The following ZC2HC1B variants were observed in gnomAD, a reference collection of about 807,000 sequenced individuals.
The protein encoded by ZC2HC1B is zinc finger C2HC domain-containing protein 1B.
In ZC2HC1B, 36 loss-of-function variants were observed where a neutral mutation model predicts 31.0. The ratio of observed to expected loss-of-function variants is 1.16; its 90% CI spans 0.89 to 1.54. ZC2HC1B has a LOEUF of 1.54. ZC2HC1B is among the 40% of genes most tolerant of loss of function. ZC2HC1B has a pLI of 0.00. For synonymous variants in ZC2HC1B, 73 were observed against 88.0 expected, an observed-to-expected ratio of 0.83 and a Z score of 0.95; for missense variants, 260 against 268.6, an observed-to-expected ratio of 0.97 and a Z score of 0.22.
rs1481326035 is a variant in ZC2HC1B, at chr6:143,870,885, A to C, written c.28+6318A>C. On this transcript the variant is annotated intron_variant, in intron 1 of 7. Transcript: ENST00000237275. This position sits in a 1 kb window ranked among gnomAD's most constrained non-coding sequence, Gnocchi z 4.7. ...CAATTGACAGAGCAGCTTGCACAGCAGCCTGGACCTGTTGTAGAGCCTTCT... is the reference window on the plus strand; with the variant it reads ...CAATTGACAGAGCAGCTTGCACAGCCGCCTGGACCTGTTGTAGAGCCTTCT... Among the ~76,000 whole-genome samples the C allele has an allele frequency of 1.3e-5, 2 of 152,186 alleles. No individual in the cohort carries two copies. The highest frequency in any genetic ancestry group is 1.5e-5 in the Non-Finnish European group (1 of 68,030).
intron 6 of ZC2HC1B, among the ~76,000 whole-genome samples, chr6:143,935,646 CTTTTTTT>C (rs759896830): frequency 2.0e-4 from 11 of 55,852 alleles, no homozygotes; most frequent in Non-Finnish European, 3.4e-4. Context: ...TGGTATCACT[CTTTTTTT>C]TTTTTTTTTT....
chr6:143,937,434 A>G (rs1778191302), intron 6 of ZC2HC1B, among the ~76,000 whole-genome samples: 1 of 152,168 alleles, frequency 6.6e-6, no homozygotes, highest in South Asian at 2.1e-4. Context: ...GGCAGAGGAA[A>G]GAAGGCACCT....
At position 143,915,877 on chromosome 6, in the gene ZC2HC1B, AG is replaced by A. The variant is rs1777910901; in HGVS notation, c.598+12726del. Among the ~76,000 whole-genome samples, 1 of 152,226 alleles carries A rather than the reference AG, an allele frequency of 6.6e-6. No homozygotes were observed. The highest frequency in any genetic ancestry group is 1.5e-5 in the Non-Finnish European group (1 of 68,034). ...TTTTAAAAGGGAAACTGAGCATAAA[AG>A]TTTGGAAAAGTTGCAGCCTGACAAT... On this transcript the variant is annotated intron_variant, in intron 6 of 7. Transcript: ENST00000237275. The surrounding 1 kb of genome is among the most constrained non-coding windows in gnomAD (Gnocchi z 5.2).
chr6:143,871,551 G>A lies in ZC2HC1B; in HGVS notation c.28+6984G>A, dbSNP rs751317011. ...CAGCTGCAGTTGGAGTCATCACTTG[G>A]TTAAGCTTATGATAATCCACTCTCA... On this transcript the variant is annotated intron_variant, in intron 1 of 7. Coordinates refer to ENST00000237275, the MANE Select transcript of ZC2HC1B (RefSeq NM_001013623.3). This position sits in a 1 kb window ranked among gnomAD's most constrained non-coding sequence, Gnocchi z 4.1. 8.5e-5 allele frequency among the ~76,000 whole-genome samples: 13 copies of A among 152,174 alleles called. No individual in the cohort carries two copies. The highest frequency in any genetic ancestry group is 5.9e-5 in the Non-Finnish European group (4 of 68,036).
rs1034210380 is a variant in ZC2HC1B at position 143,886,770 on chromosome 6, A to C, written c.298A>C (p.Ile100Leu). ...IRSAKQCMLA[I>L]KEGRPLPPPP... The stretch of plus-strand genomic sequence containing the variant: ...ATCAGCAAAGCAGTGTATGCTAGCC[A>C]TTAAAGAAGGCCGACCCCTCCCACC... Residue 100 changes from isoleucine to leucine, a missense_variant, in exon 4 of 8, where the codon ATT (isoleucine) becomes CTT (leucine). Ile to Leu is a conservative substitution (Grantham distance 5). Coordinates refer to ENST00000237275, the MANE Select transcript of ZC2HC1B (RefSeq NM_001013623.3). The surrounding 1 kb of genome is among the most constrained non-coding windows in gnomAD (Gnocchi z 4.2). The C allele has an allele frequency of 6.5e-7, 1 of 1,549,428 alleles. No homozygotes were observed.
intron 6 of ZC2HC1B, among the ~76,000 whole-genome samples, chr6:143,926,335 T>C (rs568413895): frequency 6.6e-6 from 1 of 152,370 alleles, no homozygotes; most frequent in East Asian, 1.9e-4. Context: ...TTCTCATTTG[T>C]CTCAAGACGT....
intron 4 of ZC2HC1B, 127 bp from the exon 5 acceptor site, chr6:143,898,425 T>G: frequency 1.7e-6 from 2 of 1,211,394 alleles, no homozygotes; most frequent in Non-Finnish European, 2.3e-6. Flanking sequence ...CCTCACAGAG[T>G]GCTGGGATTA....
intron 6 of ZC2HC1B, among the ~76,000 whole-genome samples, chr6:143,925,769 C>A (rs1308203952): frequency 1.3e-5 from 2 of 151,924 alleles, no homozygotes; most frequent in Non-Finnish European, 2.9e-5. Flanking sequence ...GAACTCCTGA[C>A]CTCAGGAAGC....
intron 1 of ZC2HC1B, among the ~76,000 whole-genome samples, chr6:143,881,355 A>G (rs1054348763): frequency 3.9e-5 from 6 of 151,998 alleles, no homozygotes; most frequent in Admixed American, 3.9e-4. Context: ...GTTCGAGACC[A>G]GTCTAAGCAA....
Position 143,899,767 on chromosome 6 carries a change from C to A in ZC2HC1B, c.489+1076C>A, listed in dbSNP as rs1446033042. ...AAAGCGGATCCCACAGACTGTGGAT[C>A]CTGAGCGCTATCCCCTTAAGCATTA... On this transcript the variant is annotated intron_variant, in intron 5 of 7. Transcript: ENST00000237275. The surrounding 1 kb of genome is among the most constrained non-coding windows in gnomAD (Gnocchi z 5.0). Among the ~76,000 whole-genome samples the A allele has an allele frequency of 1.3e-5, 2 of 152,184 alleles. No homozygotes were observed. Among genetic ancestry groups the A allele is most frequent in the South Asian group, 2.1e-4 (1 of 4,828 alleles).
chr6:143,914,629 G>C (rs1777896343), intron 6 of ZC2HC1B, among the ~76,000 whole-genome samples: 1 of 152,006 alleles, frequency 6.6e-6, no homozygotes, highest in Admixed American at 6.6e-5. Flanking sequence ...ATCTTTATCT[G>C]GTTGGTGTTG....
intron 5 of ZC2HC1B, among the ~76,000 whole-genome samples, chr6:143,901,082 G>A (rs932830209): frequency 6.6e-5 from 10 of 151,724 alleles, no homozygotes; most frequent in Admixed American, 2.6e-4. Context: ...CAAGTGATCC[G>A]CTTGCCTCAG....
In ZC2HC1B at chr6:143,887,343, A is replaced by G. The variant is rs536609873; in HGVS notation, c.349+522A>G. Among the ~76,000 whole-genome samples, 10 of 152,354 alleles carry G rather than the reference A, an allele frequency of 6.6e-5. No individual in the cohort carries two copies. The highest frequency in any genetic ancestry group is 1.2e-4 in the Non-Finnish European group (8 of 68,036). On this transcript the variant is annotated intron_variant, in intron 4 of 7. Transcript: ENST00000237275. The surrounding 1 kb of genome is among the most constrained non-coding windows in gnomAD (Gnocchi z 5.1). ...TTTGGCAATTGTTGACGCTGTTGCCATAATTTCTCCTTTATCTTTTTTTCT... is the reference window on the plus strand; with the variant it reads ...TTTGGCAATTGTTGACGCTGTTGCCGTAATTTCTCCTTTATCTTTTTTTCT...
intron 4 of ZC2HC1B, among the ~76,000 whole-genome samples, chr6:143,896,826 C>T (rs1777671314): frequency 6.6e-6 from 1 of 152,138 alleles, no homozygotes; most frequent in Non-Finnish European, 1.5e-5. Context: ...TTTATCATTT[C>T]CCAATGCTGT....
In ZC2HC1B at chr6:143,886,452, G is replaced by A. The variant is rs376603220; in HGVS notation, c.211-231G>A. ...ATTTGCTTTTCTTTAAAGTTTTATA[G>A]TTTCTTTATTTTTCTGATTTTTATT... On this transcript the variant is annotated intron_variant, in intron 3 of 7. Coordinates refer to ENST00000237275, the MANE Select transcript of ZC2HC1B (RefSeq NM_001013623.3). This position sits in a 1 kb window ranked among gnomAD's most constrained non-coding sequence, Gnocchi z 4.2. Among the ~76,000 whole-genome samples, 139 of 152,178 alleles carry A rather than the reference G, an allele frequency of 9.1e-4. 1 individual carries two copies. Among genetic ancestry groups the A allele is most frequent in the African/African-American group, 3.1e-3 (127 of 41,526 alleles).
At chr6:143,891,157 A>C (rs1016647091) in intron 4 of ZC2HC1B, among the ~76,000 whole-genome samples, 31 of 151,570 alleles carry the variant, frequency 2.0e-4, no homozygotes, top group South Asian at 4.1e-4. Flanking sequence ...AAATTTAATA[A>C]ATTTATAATA....
chr6:143,879,635 T>G (rs965083286), intron 1 of ZC2HC1B, among the ~76,000 whole-genome samples: 8 of 152,164 alleles, frequency 5.3e-5, no homozygotes, highest in Admixed American at 1.3e-4. Context: ...TCTACCATGC[T>G]CCTTTAAGAA....
In ZC2HC1B at chr6:143,918,882, T is replaced by C. The variant is rs1333826948; in HGVS notation, c.598+15730T>C. 6.6e-6 allele frequency among the ~76,000 whole-genome samples: 1 copy of C among 152,198 alleles called. No homozygotes were observed. The highest frequency in any genetic ancestry group is 1.5e-5 in the Non-Finnish European group (1 of 68,038). On this transcript the variant is annotated intron_variant, in intron 6 of 7. Coordinates refer to ENST00000237275, the MANE Select transcript of ZC2HC1B (RefSeq NM_001013623.3). This position sits in a 1 kb window ranked among gnomAD's most constrained non-coding sequence, Gnocchi z 4.1. ...TCATTTCATTTATTCTATTTTTCAG[T>C]TCTAGAATTTTATTTGGTTTCTTTT...
At chr6:143,880,645 G>A (rs911044430) in intron 1 of ZC2HC1B, among the ~76,000 whole-genome samples, 1 of 151,934 alleles carries the variant, frequency 6.6e-6, no homozygotes, top group Non-Finnish European at 1.5e-5. Flanking sequence ...AGGTCATATG[G>A]CCTTCATCGA....
Sources: gnomAD v4.1 joint callset for allele counts (sites outside exome capture counted in the v4.1 genomes callset) on GRCh38, gnomAD v4.1.1 for gene constraint, Gnocchi (gnomAD v3.1) non-coding constraint, MANE v1.5 for transcripts, NCBI Gene and HGNC (gene_info 2026-07-23, HGNC 2026-07-21) for gene names.